The following PGBD5 variants were observed in gnomAD, a reference collection of about 807,000 sequenced individuals.
The protein encoded by PGBD5 is piggyBac transposable element derived 5, also known as piggyBac transposable element-derived protein 5.
Under a neutral mutation model 47.9 loss-of-function variants are expected in PGBD5, and 14 were observed. The ratio of observed to expected loss-of-function variants is 0.29; its 90% CI spans 0.19 to 0.46. The LOEUF (loss-of-function observed/expected upper bound fraction) is 0.46, where lower values mean the gene tolerates loss of function less well. Among genes scored for constraint, PGBD5 ranks in the 20% least tolerant of loss-of-function variants. The pLI, the probability that PGBD5 is intolerant of heterozygous loss-of-function variation, is 1.00. For synonymous variants in PGBD5, 316 were observed against 306.3 expected (o/e 1.03, Z -0.33); for missense variants, 635 against 716.0 (o/e 0.89, Z 1.29).
rs936138442 is a variant in PGBD5, at chr1:230,368,230, C to T, written c.332-10909G>A. On this transcript the variant is annotated intron_variant, in intron 1 of 6. Transcript: ENST00000391860. ...AGCTGACCACTGAAATATACATGGA[C>T]TTGGGATTTTTTCCATGCCTAAAAT... 6.3e-6 allele frequency: 8 copies of T among 1,271,582 alleles called. No individual in the cohort carries two copies. In the African/African-American group the frequency reaches 1.2e-4, roughly 20 times the overall value. The allele number at this position is 1,271,582 out of a possible 1,614,324, so 78.8% of individuals were successfully genotyped here.
chr1:230,393,649 C>T (rs1656845930), intron 1 of PGBD5, among the ~76,000 whole-genome samples: 1 of 151,908 alleles, frequency 6.6e-6, no homozygotes, highest in African/African-American at 2.4e-5. Flanking sequence ...CACGGTGAAA[C>T]CCCGTCTCTA....
chr1:230,338,507 C>T (rs990462772), intron 3 of PGBD5, among the ~76,000 whole-genome samples: 9 of 152,296 alleles, frequency 5.9e-5, no homozygotes, highest in Admixed American at 2.0e-4. Context: ...TTGTGAAAGC[C>T]GGCAATGATT....
intron 1 of PGBD5, among the ~76,000 whole-genome samples, chr1:230,367,460 G>T (rs1667854053): frequency 6.6e-6 from 1 of 152,182 alleles, no homozygotes; most frequent in African/African-American, 2.4e-5. Context: ...CCAGCACTTT[G>T]AGAGTCCGAG....
intron 1 of PGBD5, among the ~76,000 whole-genome samples, chr1:230,375,267 G>A (rs892138660): frequency 1.3e-5 from 2 of 152,228 alleles, no homozygotes; most frequent in Admixed American, 6.5e-5. Context: ...TCCATTGGCT[G>A]TAAATGCTTC....
intron 1 of PGBD5, among the ~76,000 whole-genome samples, chr1:230,413,502 A>G (rs1657455607): frequency 6.6e-6 from 1 of 152,090 alleles, no homozygotes; most frequent in South Asian, 2.1e-4. Context: ...CCCCCATCTC[A>G]TAAAAGGGCG....
At chr1:230,343,376 T>C (rs1397630671) in intron 3 of PGBD5, among the ~76,000 whole-genome samples, 1 of 152,224 alleles carries the variant, frequency 6.6e-6, no homozygotes, top group East Asian at 1.9e-4. Context: ...TTGAATCTGA[T>C]CCACACAGTA....
intron 1 of PGBD5, among the ~76,000 whole-genome samples, chr1:230,370,132 G>A (rs912965339): frequency 6.6e-6 from 1 of 152,208 alleles, no homozygotes; most frequent in African/African-American, 2.4e-5. Context: ...GACGGGGATG[G>A]AGCTGCAGGG....
intron 5 of PGBD5, among the ~76,000 whole-genome samples, chr1:230,327,032 G>T (rs1667130420): frequency 6.6e-6 from 1 of 152,130 alleles, no homozygotes; most frequent in South Asian, 2.1e-4. Flanking sequence ...GCCACTGCTG[G>T]TCATTCTGGC....
chr1:230,336,371 G>A (rs1667324937), intron 4 of PGBD5: 1 of 152,200 alleles, frequency 6.6e-6, no homozygotes, highest in South Asian at 2.1e-4. Flanking sequence ...TTACTTAAGA[G>A]GGTCTAGTTT....
chr1:230,351,684 C>T (rs1018066955), intron 2 of PGBD5, among the ~76,000 whole-genome samples: 1 of 152,190 alleles, frequency 6.6e-6, no homozygotes, highest in African/African-American at 2.4e-5. Context: ...GGCTGAACCT[C>T]CTCTTTTTAT....
intron 1 of PGBD5, among the ~76,000 whole-genome samples, chr1:230,393,113 G>A (rs1479904959): frequency 3.4e-5 from 5 of 145,818 alleles, no homozygotes; most frequent in Non-Finnish European, 6.0e-5. Flanking sequence ...AAAAAGAAGG[G>A]GAAGGGGAAA....
chr1:230,368,159 T>C, intron 1 of PGBD5: 17 of 1,366,930 alleles, frequency 1.2e-5, no homozygotes, highest in Non-Finnish European at 1.6e-5. Flanking sequence ...GGAGGAGGAA[T>C]AAGGTGGAGG....
At chr1:230,376,827 G>C (rs1308738786) in intron 1 of PGBD5, among the ~76,000 whole-genome samples, 1 of 152,150 alleles carries the variant, frequency 6.6e-6, no homozygotes, top group Non-Finnish European at 1.5e-5. Flanking sequence ...CTTTCTCCAG[G>C]CAATAAGCAG....
chr1:230,414,159 G>A (rs183625133), intron 1 of PGBD5, among the ~76,000 whole-genome samples: 444 of 152,284 alleles, frequency 2.9e-3, no homozygotes, highest in Non-Finnish European at 4.7e-3. Context: ...TGTCTCCTGT[G>A]TAGGACCCTA....
chr1:230,341,034 G>T (rs1231575558), intron 3 of PGBD5, among the ~76,000 whole-genome samples: 1 of 152,178 alleles, frequency 6.6e-6, no homozygotes, highest in Non-Finnish European at 1.5e-5. Context: ...GAAGGTCAAA[G>T]ATTTCTTATT....
intron 1 of PGBD5, among the ~76,000 whole-genome samples, chr1:230,359,009 T>C (rs1667702056): frequency 6.6e-6 from 1 of 152,202 alleles, no homozygotes; most frequent in African/African-American, 2.4e-5. Context: ...ACACTAACTA[T>C]ATGTAGAGAT....
chr1:230,335,814 T>A (rs201948389), intron 4 of PGBD5, among the ~76,000 whole-genome samples: 17 of 8,812 alleles, frequency 1.9e-3, no homozygotes, highest in African/African-American at 6.1e-3. Flanking sequence ...CACAGACACA[T>A]ACACTGACAC....
At chr1:230,342,187 C>T (rs755495511) in intron 3 of PGBD5, among the ~76,000 whole-genome samples, 1 of 147,418 alleles carries the variant, frequency 6.8e-6, no homozygotes, top group Non-Finnish European at 1.5e-5. Flanking sequence ...GCTGCTGACT[C>T]ACCAGCTGAT....
intron 1 of PGBD5, among the ~76,000 whole-genome samples, chr1:230,363,860 C>T (rs1190438972): frequency 6.6e-6 from 1 of 152,174 alleles, no homozygotes; most frequent in African/African-American, 2.4e-5. Flanking sequence ...ATTTGAGACA[C>T]AAAGTTACAC....
Sources: gnomAD v4.1 joint callset for allele counts (sites outside exome capture counted in the v4.1 genomes callset) on GRCh38, gnomAD v4.1.1 for gene constraint, MANE v1.5 for transcripts, NCBI Gene and HGNC (gene_info 2026-07-23, HGNC 2026-07-21) for gene names.